HS6ST3: variants seen among roughly 807,000 people sequenced by gnomAD.
HS6ST3 encodes heparan-sulfate 6-O-sulfotransferase 3.
Under a neutral mutation model 36.7 loss-of-function variants are expected in HS6ST3, and 12 were observed. That is an observed-to-expected ratio of 0.33 (90% CI 0.21 to 0.53). The LOEUF (loss-of-function observed/expected upper bound fraction) is 0.53. HS6ST3 is among the 20% of genes least tolerant of loss of function. HS6ST3 has a pLI of 0.95. For missense variants in HS6ST3, 584 were observed against 640.9 expected, an observed-to-expected ratio of 0.91 and a Z score of 0.96; for synonymous variants, 240 against 257.5, an observed-to-expected ratio of 0.93 and a Z score of 0.65.
chr13:96,452,074 G>T (rs1392515302), intron 1 of HS6ST3, among the ~76,000 whole-genome samples: 1 of 152,056 alleles, frequency 6.6e-6, no homozygotes, highest in African/African-American at 2.4e-5. Flanking sequence ...ATTTTTCTGT[G>T]GCCTAATTTT....
intron 1 of HS6ST3, among the ~76,000 whole-genome samples, chr13:96,384,218 C>A (rs1241907317): frequency 2.0e-5 from 3 of 152,296 alleles, no homozygotes; most frequent in African/African-American, 7.2e-5. Flanking sequence ...CTTTCAGACT[C>A]TGACCACATA....
At chr13:96,699,268 A>T (rs1369887368) in intron 1 of HS6ST3, among the ~76,000 whole-genome samples, 1 of 152,214 alleles carries the variant, frequency 6.6e-6, no homozygotes, top group Non-Finnish European at 1.5e-5. Flanking sequence ...ACTAAACTAA[A>T]GAGCTTCTGC....
chr13:96,210,621 A>T (rs2054394374), intron 1 of HS6ST3, among the ~76,000 whole-genome samples: 1 of 147,630 alleles, frequency 6.8e-6, no homozygotes, highest in Non-Finnish European at 1.5e-5. Context: ...ATGGAGTCTC[A>T]CTCACTCTGT....
At chr13:96,181,542 C>T (rs893866139) in intron 1 of HS6ST3, among the ~76,000 whole-genome samples, 1 of 152,196 alleles carries the variant, frequency 6.6e-6, no homozygotes. Flanking sequence ...CTGCAGGCCT[C>T]TCAGGGCCCT....
At chr13:96,731,763 C>A (rs1267146249) in intron 1 of HS6ST3, among the ~76,000 whole-genome samples, 1 of 151,916 alleles carries the variant, frequency 6.6e-6, no homozygotes, top group Non-Finnish European at 1.5e-5. Context: ...TCAGGCAATC[C>A]TCTTGCCTCT....
At chr13:96,807,738 C>T (rs952019775) in intron 1 of HS6ST3, among the ~76,000 whole-genome samples, 6 of 151,800 alleles carry the variant, frequency 4.0e-5, no homozygotes, top group African/African-American at 7.3e-5. Context: ...TGGTGGTGGA[C>T]GCCTGTAGTC....
rs75051585 is a variant in HS6ST3, at chr13:96,100,414, A to G, written c.707+8845A>G. ...TAGTTTGAGAGGTATGGACAGGGAT[A>G]GGGAAACCAATATTGGACCTCAAGG... On this transcript the variant is annotated intron_variant, in intron 1 of 1. Transcript: ENST00000376705. Among the ~76,000 whole-genome samples the G allele has an allele frequency of 6.0e-4, 92 of 152,306 alleles. 1 individual carries two copies. The East Asian group carries it at 0.015, about 26-fold the overall frequency.
chr13:96,154,143 T>C (rs931858758), intron 1 of HS6ST3, among the ~76,000 whole-genome samples: 1 of 152,024 alleles, frequency 6.6e-6, no homozygotes, highest in African/African-American at 2.4e-5. Flanking sequence ...TAATATTAAT[T>C]ATAATGTTAA....
At chr13:96,597,162 G>A (rs1355975787) in intron 1 of HS6ST3, among the ~76,000 whole-genome samples, 2 of 152,000 alleles carry the variant, frequency 1.3e-5, no homozygotes, top group South Asian at 2.1e-4. Flanking sequence ...CACAAAGAGG[G>A]CAACAACATA....
intron 1 of HS6ST3, among the ~76,000 whole-genome samples, chr13:96,319,015 A>G (rs368454630): frequency 6.6e-6 from 1 of 152,306 alleles, no homozygotes; most frequent in Admixed American, 6.5e-5. Flanking sequence ...AATGGTTTTT[A>G]GTCTATTCAC....
chr13:96,126,323 A>G (rs1029677554), intron 1 of HS6ST3, among the ~76,000 whole-genome samples: 1 of 152,148 alleles, frequency 6.6e-6, no homozygotes, highest in Non-Finnish European at 1.5e-5. Flanking sequence ...ACTCTGCAAA[A>G]TGTGGAATCA....
chr13:96,176,071 C>G (rs1344530216), intron 1 of HS6ST3, among the ~76,000 whole-genome samples: 3 of 152,106 alleles, frequency 2.0e-5, no homozygotes, highest in Non-Finnish European at 4.4e-5. Flanking sequence ...TCAGGTGATC[C>G]ACCTGCCTCC....
At chr13:96,630,545 C>G (rs979484014) in intron 1 of HS6ST3, among the ~76,000 whole-genome samples, 9 of 152,128 alleles carry the variant, frequency 5.9e-5, no homozygotes, top group Non-Finnish European at 7.4e-5. Flanking sequence ...ATTTACTCTT[C>G]CACTTTGGGG....
intron 1 of HS6ST3, among the ~76,000 whole-genome samples, chr13:96,292,830 A>G (rs1018029997): frequency 2.0e-5 from 3 of 152,132 alleles, no homozygotes; most frequent in African/African-American, 7.2e-5. Flanking sequence ...ATTTCAAACA[A>G]TTTCACATTT....
At chr13:96,683,006 A>G (rs1219392908) in intron 1 of HS6ST3, among the ~76,000 whole-genome samples, 1 of 152,096 alleles carries the variant, frequency 6.6e-6, no homozygotes, top group African/African-American at 2.4e-5. Flanking sequence ...CATTGAATGG[A>G]AGGTATTTCA....
intron 1 of HS6ST3, among the ~76,000 whole-genome samples, chr13:96,240,086 A>G (rs4771930): frequency 2.0e-5 from 3 of 152,220 alleles, no homozygotes; most frequent in African/African-American, 7.2e-5. Context: ...TGGTGAATAT[A>G]CTGATAATAA....
At chr13:96,160,009 C>A (rs1344585027) in intron 1 of HS6ST3, among the ~76,000 whole-genome samples, 1 of 152,142 alleles carries the variant, frequency 6.6e-6, no homozygotes, top group Non-Finnish European at 1.5e-5. Flanking sequence ...ACAATAGAAT[C>A]TATTTTGTAA....
intron 1 of HS6ST3, among the ~76,000 whole-genome samples, chr13:96,710,757 C>T (rs1397497562): frequency 6.6e-6 from 1 of 152,188 alleles, no homozygotes; most frequent in Non-Finnish European, 1.5e-5. Flanking sequence ...CCAAGATGCC[C>T]CTGCACAGGC....
At chr13:96,275,644 A>G (rs1403191184) in intron 1 of HS6ST3, among the ~76,000 whole-genome samples, 2 of 152,310 alleles carry the variant, frequency 1.3e-5, no homozygotes, top group Non-Finnish European at 2.9e-5. Flanking sequence ...TAAAAATGCA[A>G]TATGAAAAAG....
Sources: gnomAD v4.1 joint callset for allele counts (sites outside exome capture counted in the v4.1 genomes callset) on GRCh38, gnomAD v4.1.1 for gene constraint, MANE v1.5 for transcripts, NCBI Gene and HGNC (gene_info 2026-07-23, HGNC 2026-07-21) for gene names.